Variants in MAPKAP1 observed in about 807,000 individuals in gnomAD.
MAPKAP1 encodes target of rapamycin complex 2 subunit MAPKAP1.
In MAPKAP1, 20 loss-of-function variants were observed where a neutral mutation model predicts 65.7. The observed-to-expected ratio is 0.30, with a 90% confidence interval of 0.21 to 0.44. The LOEUF (loss-of-function observed/expected upper bound fraction) is 0.44, where lower values mean the gene tolerates loss of function less well. Ranked by LOEUF, MAPKAP1 falls within the 20% of genes least tolerant of loss-of-function variation. The pLI, the probability that MAPKAP1 is intolerant of heterozygous loss-of-function variation, is 1.00. For missense variants in MAPKAP1, 423 were observed against 648.0 expected, an observed-to-expected ratio of 0.65 and a Z score of 3.77; for synonymous variants, 222 against 244.3, an observed-to-expected ratio of 0.91 and a Z score of 0.85.
At chr9:125,487,093 T>C (rs1854520841) in intron 8 of MAPKAP1, among the ~76,000 whole-genome samples, 2 of 152,188 alleles carry the variant, frequency 1.3e-5, no homozygotes, top group Non-Finnish European at 2.9e-5. Context: ...ACTGAACGAA[T>C]ACCAGGTGCC....
chr9:125,534,853 C>T (rs1409179779), intron 7 of MAPKAP1, among the ~76,000 whole-genome samples: 1 of 152,186 alleles, frequency 6.6e-6, no homozygotes, highest in Non-Finnish European at 1.5e-5. Context: ...TCTTCCCTGA[C>T]TCCCCAGGAT....
rs570436127 is a variant in MAPKAP1 at position 125,677,161 on chromosome 9, G to A, written c.-69-4518C>T. 4.6e-5 allele frequency among the ~76,000 whole-genome samples: 7 copies of A among 152,248 alleles called. No homozygotes were observed. In the East Asian group the frequency reaches 1.2e-3, roughly 25 times the overall value. On this transcript the variant is annotated intron_variant, in intron 1 of 11. Transcript: ENST00000265960. ...TGACACAGCCAGACGTCTTTTGGCC[G>A]GGTGCAGTGGCTCACACCTGTAATC...
intron 7 of MAPKAP1, among the ~76,000 whole-genome samples, chr9:125,537,074 C>G (rs959403898): frequency 2.6e-5 from 4 of 152,146 alleles, no homozygotes; most frequent in Admixed American, 6.5e-5. Context: ...TAAATTTGTT[C>G]TCCCATTAGG....
chr9:125,701,499 C>T (rs1835596095), intron 1 of MAPKAP1, among the ~76,000 whole-genome samples: 1 of 152,184 alleles, frequency 6.6e-6, no homozygotes, highest in Non-Finnish European at 1.5e-5. Context: ...ACTGCACTTG[C>T]TACTAAACTG....
intron 8 of MAPKAP1, among the ~76,000 whole-genome samples, chr9:125,501,016 T>C (rs73591563): frequency 4.6e-5 from 7 of 152,304 alleles, no homozygotes; most frequent in African/African-American, 1.4e-4. Context: ...CACTATGGTA[T>C]GGTACTAGAT....
chr9:125,500,806 C>A (rs1214339297), intron 8 of MAPKAP1, among the ~76,000 whole-genome samples: 1 of 152,006 alleles, frequency 6.6e-6, no homozygotes, highest in Non-Finnish European at 1.5e-5. Flanking sequence ...ATTTGTATAA[C>A]AAGGAATCAA....
At chr9:125,598,763 G>A (rs750822579) in intron 4 of MAPKAP1, among the ~76,000 whole-genome samples, 30 of 152,076 alleles carry the variant, frequency 2.0e-4, no homozygotes, top group Admixed American at 1.0e-3. Context: ...TGTACGGGCC[G>A]GCGCAGTAGC....
intron 4 of MAPKAP1, among the ~76,000 whole-genome samples, chr9:125,589,325 G>A (rs1330784736): frequency 1.3e-5 from 2 of 152,124 alleles, no homozygotes; most frequent in Non-Finnish European, 2.9e-5. Flanking sequence ...CTTTCTCCAC[G>A]AAGTTTCCTC....
In MAPKAP1 at chr9:125,444,686, G is replaced by A. The variant is rs1180353767; in HGVS notation, c.1346-88C>T. On this transcript the variant is annotated intron_variant, in intron 10 of 11. Coordinates refer to ENST00000265960, the MANE Select transcript of MAPKAP1 (RefSeq NM_001006617.3). The stretch of plus-strand genomic sequence containing the variant: ...ATGTTCTCCCCTATCATTCCAATTC[G>A]AGCGAGAGCAAGTGGAGGCTGAGCA... 1.0e-5 allele frequency: 9 copies of A among 889,096 alleles called. 1 individual carries two copies. The highest frequency in any genetic ancestry group is 4.9e-5 in the South Asian group (3 of 61,538). The allele number at this position is 889,096 out of a possible 1,614,324, so 55.1% of individuals were successfully genotyped here.
At chr9:125,618,341 C>CAAAAAAAAAAA in intron 4 of MAPKAP1, among the ~76,000 whole-genome samples, 11 of 31,222 alleles carry the variant, frequency 3.5e-4, no homozygotes, top group Non-Finnish European at 4.7e-4. Flanking sequence ...GGCTCCGTCT[C>CAAAAAAAAAAA]AAAAAAAAAA....
In MAPKAP1 at chr9:125,484,431, T is replaced by TGTA; in HGVS notation, c.1207+11_1207+12insTAC. On this transcript the variant is annotated intron_variant, in intron 9 of 11. Coordinates refer to ENST00000265960, the MANE Select transcript of MAPKAP1 (RefSeq NM_001006617.3). ...CACGACAAGCTAGCTCATCACCTGC[T>TGTA]CACACACTTACCTAGCTGTACGTCG... 3.7e-6 allele frequency: 6 copies of TGTA among 1,604,792 alleles called. No individual in the cohort carries two copies. The highest frequency in any genetic ancestry group is 4.3e-6 in the Non-Finnish European group (5 of 1,175,604).
chr9:125,482,229 C>T lies in MAPKAP1; in HGVS notation c.1207+2214G>A, dbSNP rs114684949. On this transcript the variant is annotated intron_variant, in intron 9 of 11. Transcript: ENST00000265960. ...ATATACCATGACTTTTCCACAAAGT[C>T]TACAGACCCATGTAATCAGCACCCA... 4.9e-3 allele frequency among the ~76,000 whole-genome samples: 751 copies of T among 151,794 alleles called. 4 individuals carry two copies. The highest frequency in any genetic ancestry group is 0.017 in the African/African-American group (710 of 41,414).
At chr9:125,480,974 GGAAAAAAAAAAAA>G (rs1335334445) in intron 9 of MAPKAP1, among the ~76,000 whole-genome samples, 26 of 97,648 alleles carry the variant, frequency 2.7e-4, no homozygotes, top group African/African-American at 7.1e-4. Flanking sequence ...TCCGTTTCGG[GGAAAAAAAAAAAA>G]AAAAAAAAAA....
At chr9:125,666,125 A>G (rs626667) in intron 3 of MAPKAP1, among the ~76,000 whole-genome samples, 78,207 of 152,092 alleles carry the variant, frequency 0.51, 21,081 homozygotes, top group East Asian at 0.67. Context: ...TTAATATGAC[A>G]TTATTCCTAA....
intron 4 of MAPKAP1, among the ~76,000 whole-genome samples, chr9:125,641,961 G>A (rs1236229599): frequency 6.6e-6 from 1 of 152,186 alleles, no homozygotes; most frequent in African/African-American, 2.4e-5. Flanking sequence ...GAACCTGGGT[G>A]GCAGAGGTTG....
At chr9:125,643,645 G>C (rs998569375) in intron 4 of MAPKAP1, among the ~76,000 whole-genome samples, 1 of 151,818 alleles carries the variant, frequency 6.6e-6, no homozygotes. Context: ...CTCTATTATT[G>C]GGCATTGAGG....
At chr9:125,587,142 A>G (rs1831812497) in intron 4 of MAPKAP1, among the ~76,000 whole-genome samples, 1 of 152,258 alleles carries the variant, frequency 6.6e-6, no homozygotes. Flanking sequence ...GTAAGAGGCA[A>G]AACTATAAAA....
chr9:125,457,292 T>G (rs1853218452), intron 10 of MAPKAP1, among the ~76,000 whole-genome samples: 1 of 152,188 alleles, frequency 6.6e-6, no homozygotes, highest in Admixed American at 6.5e-5. Flanking sequence ...CCCGGCCCAT[T>G]TAGTGAATTT....
intron 1 of MAPKAP1, among the ~76,000 whole-genome samples, chr9:125,698,164 A>G (rs550550146): frequency 5.4e-5 from 8 of 149,162 alleles, no homozygotes; most frequent in Non-Finnish European, 1.0e-4. Flanking sequence ...CTCTATACGT[A>G]TATACAAAAA....
Sources: allele counts gnomAD v4.1 joint callset (sites outside exome capture counted in the v4.1 genomes callset), GRCh38; gene constraint gnomAD v4.1.1; transcripts MANE v1.5; gene names NCBI Gene and HGNC (gene_info 2026-07-23, HGNC 2026-07-21).